Variants in PLXNB1 observed in about 807,000 individuals in gnomAD.
The protein encoded by PLXNB1 is plexin B1.
A neutral mutation model predicts 209.4 loss-of-function variants in PLXNB1; 106 were observed. The observed-to-expected ratio is 0.51, with a 90% CI of 0.43 to 0.59. The LOEUF is 0.59. PLXNB1 is among the 20% of genes least tolerant of loss of function. The pLI, the probability that PLXNB1 is intolerant of heterozygous loss-of-function variation, is 0.00. For synonymous variants in PLXNB1, 1,167 were observed against 1,183.2 expected (o/e 0.99, Z 0.28); for missense variants, 2,357 against 2,853.2 (o/e 0.83, Z 3.96).
chr3:48,404,380 T>C lies in PLXNB1; in HGVS notation c.*106A>G. On this transcript the variant is annotated 3_prime_UTR_variant, in exon 38 of 38. Coordinates refer to ENST00000296440, the MANE Select transcript of PLXNB1 (RefSeq NM_001130082.3). ...AGACTGGGAGTCACCTTCCACTAAC[T>C]CTGCTTGTCAGTCACTACAGGCACC... 1 of 673,082 alleles carries C rather than the reference T, an allele frequency of 1.5e-6. No individual in the cohort carries two copies. Among genetic ancestry groups the C allele is most frequent in the Non-Finnish European group, 2.5e-6 (1 of 394,596 alleles). The allele number at this position is 673,082 out of a possible 1,614,324, so 41.7% of individuals were successfully genotyped here.
chr3:48,420,127 G>A lies in PLXNB1; in HGVS notation c.2159C>T (p.Thr720Ile), dbSNP rs763237511. Residue 720 changes from threonine to isoleucine, a missense_variant, in exon 11 of 38, where the codon ACA becomes ATA. Thr to Ile is a moderately conservative substitution (Grantham distance 89, BLOSUM62 -1). Around this residue, in one of 7 missense-constraint regions of PLXNB1, gnomAD observed 410 missense variants for 401.0 expected, o/e 1.02. Transcript: ENST00000296440. ...PVEPGAPSTATASDISPGASP... is the reference protein window; with the variant it reads ...PVEPGAPSTAIASDISPGASP... ...AGCCCCAGGTGAGATGTCCGAAGCTGTGGCTGTGGAGGGAGCCCCAGGCTC... is the reference window on the plus strand; with the variant it reads ...AGCCCCAGGTGAGATGTCCGAAGCTATGGCTGTGGAGGGAGCCCCAGGCTC... The A allele has an allele frequency of 6.8e-6, 11 of 1,612,852 alleles. No individual in the cohort carries two copies. Among genetic ancestry groups the A allele is most frequent in the Middle Eastern group, 1.6e-4 (1 of 6,082 alleles).
rs770240730 is a variant in PLXNB1 at position 48,409,968 on chromosome 3, G to A, written c.5715C>T (p.Gly1905=). The A allele has an allele frequency of 1.7e-5, 28 of 1,612,490 alleles. No homozygotes were observed. Among genetic ancestry groups the A allele is most frequent in the East Asian group, 1.1e-4 (5 of 44,836 alleles). The change falls in exon 32 of 38, where the codon GGC becomes GGT. Residue 1905 remains glycine (G), a synonymous_variant. Coordinates refer to ENST00000296440, the MANE Select transcript of PLXNB1 (RefSeq NM_001130082.3). This position sits in a 1 kb window ranked among gnomAD's most constrained non-coding sequence, Gnocchi z 5.8. The part of the protein sequence containing the change: ...PPRPRRGSLR[G]GERERAKAIP... ...TGGCCTTGGCGCGCTCACGCTCCCC[G>A]CCCCGAAGGCTGCCCCTCCGAGGCC... is the stretch of plus-strand genomic sequence containing the variant.
chr3:48,413,628 C>G lies in PLXNB1; in HGVS notation c.4535+42G>C. On this transcript the variant is annotated intron_variant, in intron 23 of 37. Coordinates refer to ENST00000296440, the MANE Select transcript of PLXNB1 (RefSeq NM_001130082.3). This position sits in a 1 kb window ranked among gnomAD's most constrained non-coding sequence, Gnocchi z 5.4. ...CTGTCCCTTCCCAGTCCAGCCAGAT[C>G]CCACGACCTGCCCCAGCCCAGCCAC... 1 of 1,566,128 alleles carries G rather than the reference C, an allele frequency of 6.4e-7. No individual in the cohort carries two copies. The highest frequency in any genetic ancestry group is 8.7e-7 in the Non-Finnish European group (1 of 1,150,474).
chr3:48,422,899 T>C lies in PLXNB1; in HGVS notation c.1156A>G (p.Met386Val). 6.2e-7 allele frequency: 1 copy of C among 1,614,056 alleles called. No individual in the cohort carries two copies. Among genetic ancestry groups the C allele is most frequent in the Non-Finnish European group, 8.5e-7 (1 of 1,179,950 alleles). Residue 386 changes from methionine to valine, a missense_variant, in exon 4 of 38, where the codon ATG (methionine) becomes GTG (valine). Met to Val is a conservative substitution (Grantham distance 21). Transcript: ENST00000296440. ...GCTTCCAGCGGGACCCGGCTGGCCATGGGGCTGGGCGTGTGGTCTGAGCCA... is the reference window on the plus strand; with the variant it reads ...GCTTCCAGCGGGACCCGGCTGGCCACGGGGCTGGGCGTGTGGTCTGAGCCA... ...PCGSDHTPSP[M>V]ASRVPLEATP...
At chr3:48,425,173 T>C (rs2038817248) in intron 2 of PLXNB1, 108 bp downstream of exon 2, 1 of 153,704 alleles carries the variant, frequency 6.5e-6, no homozygotes. Flanking sequence ...GGGAAGAGGT[T>C]CCAGCTCGGA....
Position 48,424,613 on chromosome 3 carries a change from GTCACC to G in PLXNB1, c.-6-1_-3del, listed in dbSNP as rs2038785014. 1 of 1,536,450 alleles carries G rather than the reference GTCACC, an allele frequency of 6.5e-7. No homozygotes were observed. The highest frequency in any genetic ancestry group is 8.7e-7 in the Non-Finnish European group (1 of 1,146,370). On this transcript the variant is annotated splice_acceptor_variant and 5_prime_UTR_variant, in exon 3 of 38. Transcript: ENST00000296440. LOFTEE classifies it low-confidence loss of function (5UTR_SPLICE). ...AAGAGCTGGGCCCAGAGCAGGCATG[GTCACC>G]TGGCAGGAAGAGAGGTCGAGAGAGT...
chr3:48,409,296 C>A lies in PLXNB1; in HGVS notation c.6087+33G>T. ...CACACACAGCACTGTCCACCCTCACCCATCCCCCCGTGTCCATCCCAGACT... is the reference window on the plus strand; with the variant it reads ...CACACACAGCACTGTCCACCCTCACACATCCCCCCGTGTCCATCCCAGACT... On this transcript the variant is annotated intron_variant, in intron 34 of 37. Transcript: ENST00000296440. The surrounding 1 kb of genome is among the most constrained non-coding windows in gnomAD (Gnocchi z 5.8). The A allele has an allele frequency of 6.4e-7, 1 of 1,555,370 alleles. No individual in the cohort carries two copies. The highest frequency in any genetic ancestry group is 8.6e-7 in the Non-Finnish European group (1 of 1,158,826).
At position 48,415,783 on chromosome 3, in the gene PLXNB1, T is replaced by C. The variant is rs1296262068; in HGVS notation, c.3618-24A>G. On this transcript the variant is annotated intron_variant, in intron 18 of 37. Transcript: ENST00000296440. The surrounding 1 kb of genome is among the most constrained non-coding windows in gnomAD (Gnocchi z 5.0). ...GCCTGGGAGGGGAGGTGGGAATGAA[T>C]GCAGGGGCGCAGGCAGGGAAAACTT... 6.5e-7 allele frequency: 1 copy of C among 1,535,098 alleles called. No homozygotes were observed. Among genetic ancestry groups the C allele is most frequent in the South Asian group, 1.2e-5 (1 of 83,318 alleles).
At position 48,420,030 on chromosome 3, in the gene PLXNB1, C is replaced by T; in HGVS notation, c.2256G>A (p.Gly752=). Residue 752 remains glycine (G), a synonymous_variant, in exon 11 of 38, where the codon GGG becomes GGA. Transcript: ENST00000296440. The stretch of plus-strand genomic sequence containing the variant: ...GGGAGGGCTCCTCATGGAGAGGCGA[C>T]CCTGTGGAGCCAGGGGAAGATATGG... The part of the protein sequence containing the change: ...SGSISSPGST[G]SPLHEEPSPP... 5.0e-6 allele frequency: 8 copies of T among 1,609,946 alleles called. No homozygotes were observed. Among genetic ancestry groups the T allele is most frequent in the Non-Finnish European group, 6.8e-6 (8 of 1,177,450 alleles).
At chr3:48,422,695 C>T (rs2038611317) in intron 4 of PLXNB1, 70 bp downstream of exon 4, 6 of 1,518,066 alleles carry the variant, frequency 4.0e-6, no homozygotes, top group East Asian at 2.3e-5. Flanking sequence ...TAGCTTAAAC[C>T]AGGCTGGGTC....
intron 1 of PLXNB1, among the ~76,000 whole-genome samples, chr3:48,428,675 G>A (rs2039020945): frequency 6.6e-6 from 1 of 152,198 alleles, no homozygotes; most frequent in Non-Finnish European, 1.5e-5. Flanking sequence ...CATTGACAGT[G>A]CAGTGGTGCC....
rs745729617 is a variant in PLXNB1, at chr3:48,412,880, C to T, written c.4716G>A (p.Ala1572=). 1.4e-5 allele frequency: 22 copies of T among 1,613,830 alleles called. No individual in the cohort carries two copies. Among genetic ancestry groups the T allele is most frequent in the East Asian group, 4.5e-5 (2 of 44,884 alleles). ...GIPFLDYKVY[A]ERIFFPGHRE... The stretch of plus-strand genomic sequence containing the variant: ...GGTGCCCAGGGAAGAAGATCCTCTC[C>T]GCATACACCTTGTAGTCGAGGAAGG... The change falls in exon 25 of 38, where the codon GCG becomes GCA. Residue 1572 remains alanine, a synonymous_variant. Transcript: ENST00000296440.
At chr3:48,421,911 G>A (rs1461317708) in intron 6 of PLXNB1, 105 bp from the exon 7 acceptor site, 17 of 1,493,664 alleles carry the variant, frequency 1.1e-5, no homozygotes, top group Admixed American at 8.5e-5. Context: ...CCCTAGAGTG[G>A]GCATGATAGA....
intron 1 of PLXNB1, among the ~76,000 whole-genome samples, chr3:48,427,193 A>AC (rs1431500063): frequency 6.6e-6 from 1 of 152,090 alleles, no homozygotes; most frequent in African/African-American, 2.4e-5. Flanking sequence ...AAAAACAAAA[A>AC]CAAAAAAAAA....
chr3:48,426,445 C>T (rs1034047821), intron 1 of PLXNB1, among the ~76,000 whole-genome samples: 8 of 152,214 alleles, frequency 5.3e-5, no homozygotes, highest in Non-Finnish European at 8.8e-5. Context: ...TTGCCCAGCC[C>T]CTCCCATCAC....
At position 48,420,869 on chromosome 3, in the gene PLXNB1, G is replaced by A. The variant is rs920684152; in HGVS notation, c.1898C>T (p.Thr633Ile). 3.1e-6 allele frequency: 5 copies of A among 1,613,784 alleles called. No individual in the cohort carries two copies. The African/African-American group carries it at 5.3e-5, about 17-fold the overall frequency. The change falls in exon 9 of 38, where the codon ACT becomes ATT. Residue 633 changes from threonine (T) to isoleucine (I), a missense_variant. This residue lies in a region of PLXNB1 where 214 missense variants were observed against 297.1 expected (regional missense o/e 0.72). Coordinates refer to ENST00000296440, the MANE Select transcript of PLXNB1 (RefSeq NM_001130082.3). ...SLSFYDCVAV[T>I]ELRPSAQCQA... ...TCACTGCGCAGATGGGCGGAGTTCA[G>A]TGACCGCCACACAGTCATAGAAAGA...
intron 7 of PLXNB1, 92 bp downstream of exon 7, chr3:48,421,582 C>G: frequency 1.5e-6 from 2 of 1,319,102 alleles, no homozygotes; most frequent in South Asian, 1.4e-5. Context: ...CATGTGGTAT[C>G]TGGCATGTCC....
intron 37 of PLXNB1, among the ~76,000 whole-genome samples, chr3:48,404,989 C>T (rs1046849642): frequency 1.3e-5 from 2 of 152,256 alleles, no homozygotes; most frequent in Non-Finnish European, 2.9e-5. Flanking sequence ...ACACGAACCA[C>T]GAATTTGGGG....
In PLXNB1 at chr3:48,418,161, G is replaced by C; in HGVS notation, c.3222+30C>G. On this transcript the variant is annotated intron_variant, in intron 15 of 37. Coordinates refer to ENST00000296440, the MANE Select transcript of PLXNB1 (RefSeq NM_001130082.3). This position sits in a 1 kb window ranked among gnomAD's most constrained non-coding sequence, Gnocchi z 6.6. ...ACACCCTCCCTCTAAGGGCAGCACT[G>C]AGGAAGGGATGGCCAGCCTTTCAAC... 6.2e-7 allele frequency: 1 copy of C among 1,611,346 alleles called. No homozygotes were observed. The highest frequency in any genetic ancestry group is 8.5e-7 in the Non-Finnish European group (1 of 1,179,014).
Sources: gnomAD v4.1 joint callset for allele counts (sites outside exome capture counted in the v4.1 genomes callset) on GRCh38, gnomAD v4.1.1 for gene constraint, gnomAD v4.1.1 regional missense constraint, Gnocchi (gnomAD v3.1) non-coding constraint, MANE v1.5 for transcripts, NCBI Gene and HGNC (gene_info 2026-07-23, HGNC 2026-07-21) for gene names.